The following NEDD4L variants were observed in gnomAD, a reference collection of about 807,000 sequenced individuals.
NEDD4L encodes NEDD4 like E3 ubiquitin protein ligase, also known as E3 ubiquitin-protein ligase NEDD4-like.
Under a neutral mutation model 148.9 loss-of-function variants are expected in NEDD4L, and 54 were observed. The observed-to-expected ratio is 0.36, with a 90% CI of 0.29 to 0.45. The LOEUF (loss-of-function observed/expected upper bound fraction) is 0.45. Among genes scored for constraint, NEDD4L ranks in the 20% least tolerant of loss-of-function variants. The probability of loss-of-function intolerance (pLI) is 1.00; values close to 1 mark genes in which losing one functional copy is unlikely to be tolerated. For missense variants in NEDD4L, 856 were observed against 1,233.8 expected (o/e 0.69, Z 4.59); for synonymous variants, 433 against 440.7 (o/e 0.98, Z 0.22).
At chr18:58,283,400 T>C (rs1185175698) in intron 5 of NEDD4L, among the ~76,000 whole-genome samples, 1 of 152,166 alleles carries the variant, frequency 6.6e-6, no homozygotes, top group Non-Finnish European at 1.5e-5. Context: ...TTAAAGCCTG[T>C]GTTCGAAAGT....
intron 5 of NEDD4L, among the ~76,000 whole-genome samples, chr18:58,304,006 A>C (rs61045758): frequency 0.36 from 54,527 of 151,812 alleles, 10,136 homozygotes; most frequent in Middle Eastern, 0.46. Flanking sequence ...GTAGTCCTCA[A>C]CTGGGAGCAC....
intron 1 of NEDD4L, among the ~76,000 whole-genome samples, chr18:58,121,825 G>A (rs989578839): frequency 2.6e-5 from 4 of 152,236 alleles, no homozygotes; most frequent in African/African-American, 9.6e-5. Context: ...AGGCTAAAAA[G>A]TGGAGGTCTG....
chr18:58,363,391 G>A (rs909414327), intron 19 of NEDD4L, among the ~76,000 whole-genome samples: 1 of 152,122 alleles, frequency 6.6e-6, no homozygotes, highest in Non-Finnish European at 1.5e-5. Context: ...AAAGCAATGA[G>A]TTGTTTTCGA....
chr18:58,234,535 A>G (rs569787581), intron 2 of NEDD4L, among the ~76,000 whole-genome samples: 34 of 151,824 alleles, frequency 2.2e-4, no homozygotes, highest in African/African-American at 7.5e-4. Flanking sequence ...GGGTCTCACT[A>G]TGTTGCCCAG....
chr18:58,329,365 A>AT (rs1028658438), intron 10 of NEDD4L, among the ~76,000 whole-genome samples: 1 of 151,756 alleles, frequency 6.6e-6, no homozygotes, highest in Non-Finnish European at 1.5e-5. Context: ...TTTTATTTTT[A>AT]TTTTTTTTGA....
chr18:58,327,891 C>T (rs571087273), intron 9 of NEDD4L, among the ~76,000 whole-genome samples: 1 of 151,654 alleles, frequency 6.6e-6, no homozygotes, highest in Non-Finnish European at 1.5e-5. Flanking sequence ...AAGCCTCTGA[C>T]TAGTATTTCC....
At chr18:58,278,917 G>A (rs868370228) in intron 5 of NEDD4L, among the ~76,000 whole-genome samples, 10 of 152,062 alleles carry the variant, frequency 6.6e-5, no homozygotes, top group African/African-American at 2.4e-4. Flanking sequence ...TGTCACCCAG[G>A]CTGGAGTGCA....
rs191164650 is a variant in NEDD4L at position 58,200,477 on chromosome 18, G to A, written c.122+34616G>A. On this transcript the variant is annotated intron_variant, in intron 2 of 30. Transcript: ENST00000400345. ...CTGATAATCAGAATAAGTAATTGTG[G>A]CTTCTGGGTCTGTAAAGCCACAAAA... 5.9e-5 allele frequency among the ~76,000 whole-genome samples: 9 copies of A among 152,250 alleles called. No homozygotes were observed. In the East Asian group the frequency reaches 1.7e-3, roughly 29 times the overall value.
Position 58,231,148 on chromosome 18 carries a change from G to C in NEDD4L, c.123-14279G>C, listed in dbSNP as rs116779325. Among the ~76,000 whole-genome samples the C allele has an allele frequency of 8.8e-3, 1,331 of 151,456 alleles. 29 individuals are homozygous for C. The highest frequency in any genetic ancestry group is 0.03 in the African/African-American group (1,245 of 41,190). ...CCCATAGTCCCAGCTACTCACAGGG[G>C]CTGAGGTGGGAGAATTGCTTGAGCC... On this transcript the variant is annotated intron_variant, in intron 2 of 30. Transcript: ENST00000400345.
chr18:58,197,222 C>G (rs1299056468), intron 2 of NEDD4L, among the ~76,000 whole-genome samples: 1 of 152,126 alleles, frequency 6.6e-6, no homozygotes, highest in Non-Finnish European at 1.5e-5. Flanking sequence ...GGAGATGTTT[C>G]TGTTGAGAGA....
chr18:58,080,290 C>T, intron 1 of NEDD4L, among the ~76,000 whole-genome samples: 1 of 152,246 alleles, frequency 6.6e-6, no homozygotes. Context: ...GGCATATGCA[C>T]AGCAGTTTCA....
intron 5 of NEDD4L, among the ~76,000 whole-genome samples, chr18:58,305,605 A>G (rs1343381329): frequency 6.6e-6 from 1 of 152,170 alleles, no homozygotes; most frequent in Non-Finnish European, 1.5e-5. Context: ...TTGTAGGGAG[A>G]AGGAGGCCCA....
chr18:58,079,274 G>A (rs554019725), intron 1 of NEDD4L, among the ~76,000 whole-genome samples: 5 of 152,214 alleles, frequency 3.3e-5, no homozygotes, highest in African/African-American at 1.2e-4. Context: ...TATTCCTAAG[G>A]GTTCATCTTT....
At chr18:58,111,859 G>A (rs494055) in intron 1 of NEDD4L, among the ~76,000 whole-genome samples, 1 of 152,128 alleles carries the variant, frequency 6.6e-6, no homozygotes, top group Non-Finnish European at 1.5e-5. Context: ...GAATGGAACT[G>A]CCAGACTGTT....
chr18:58,365,472 A>G (rs1220033407), intron 20 of NEDD4L, among the ~76,000 whole-genome samples: 1 of 152,152 alleles, frequency 6.6e-6, no homozygotes, highest in Non-Finnish European at 1.5e-5. Context: ...TCAGCGAACC[A>G]TGCTTTGGGC....
intron 1 of NEDD4L, among the ~76,000 whole-genome samples, chr18:58,164,795 T>C (rs114112975): frequency 0.011 from 1,711 of 152,308 alleles, 30 homozygotes; most frequent in African/African-American, 0.039. Context: ...TTCTTACTCT[T>C]AGGCTAGGTT....
At chr18:58,118,250 G>A (rs2085985949) in intron 1 of NEDD4L, among the ~76,000 whole-genome samples, 2 of 152,374 alleles carry the variant, frequency 1.3e-5, no homozygotes, top group Non-Finnish European at 2.9e-5. Context: ...TACGTATCCT[G>A]CCGGATTCTG....
At chr18:58,194,715 TGA>T (rs1250473220) in intron 2 of NEDD4L, among the ~76,000 whole-genome samples, 1 of 151,570 alleles carries the variant, frequency 6.6e-6, no homozygotes. Context: ...AAAAAAAAAA[TGA>T]GAGTAAAGAG....
intron 1 of NEDD4L, among the ~76,000 whole-genome samples, chr18:58,068,811 G>A (rs1306999835): frequency 6.6e-6 from 1 of 152,156 alleles, no homozygotes; most frequent in Non-Finnish European, 1.5e-5. Flanking sequence ...GGGCAAAGTG[G>A]ACCCTCCAGG....
Sources: allele counts gnomAD v4.1 joint callset (sites outside exome capture counted in the v4.1 genomes callset), GRCh38; gene constraint gnomAD v4.1.1; transcripts MANE v1.5; gene names NCBI Gene and HGNC (gene_info 2026-07-23, HGNC 2026-07-21).